Variants in SFI1 observed in about 807,000 individuals in gnomAD.
SFI1 encodes the protein SFI1 centrin binding protein, also known as protein SFI1 homolog.
A neutral mutation model predicts 207.5 loss-of-function variants in SFI1; 195 were observed. The observed-to-expected ratio is 0.94, with a 90% CI of 0.84 to 1.06. The LOEUF is 1.06. Ranked by LOEUF, SFI1 falls within the 50% of genes least tolerant of loss-of-function variation. SFI1 has a pLI of 0.00. For missense variants in SFI1, 1,634 were observed against 1,588.0 expected, an observed-to-expected ratio of 1.03 and a Z score of -0.49; for synonymous variants, 630 against 598.9, an observed-to-expected ratio of 1.05 and a Z score of -0.76.
chr22:31,550,876 A>G (rs1302928748), intron 6 of SFI1, among the ~76,000 whole-genome samples: 4 of 152,218 alleles, frequency 2.6e-5, no homozygotes, highest in African/African-American at 7.2e-5. Flanking sequence ...CTGCATTAGC[A>G]GCAGAATGTC....
intron 22 of SFI1, among the ~76,000 whole-genome samples, chr22:31,609,811 G>C (rs912925749): frequency 3.9e-5 from 6 of 152,236 alleles, no homozygotes; most frequent in Non-Finnish European, 8.8e-5. Context: ...TTGGGCTCTG[G>C]AGCTTCTGCA....
In SFI1 at chr22:31,613,133, T is replaced by C. The variant is rs1238260080; in HGVS notation, c.2491-9T>C. The C allele has an allele frequency of 6.2e-7, 1 of 1,612,820 alleles. No homozygotes were observed. Among genetic ancestry groups the C allele is most frequent in the Middle Eastern group, 1.7e-4 (1 of 6,060 alleles). On this transcript the variant is annotated splice_polypyrimidine_tract_variant and intron_variant, in intron 24 of 32. Coordinates refer to ENST00000400288, the MANE Select transcript of SFI1 (RefSeq NM_001007467.3). The stretch of plus-strand genomic sequence containing the variant: ...CTATAGGGAAATGATCTGGTCTTTC[T>C]GGCCCTAGCTGGCAGCCAGGAGGCA...
At chr22:31,602,349 TGCACTCACG>T in intron 16 of SFI1, 56 bp downstream of exon 16, 1 of 1,527,106 alleles carries the variant, frequency 6.5e-7, no homozygotes, top group South Asian at 1.1e-5. Context: ...TTCAAGCCAT[TGCACTCACG>T]GCCTCCCCTC....
intron 11 of SFI1, chr22:31,580,043 G>A: frequency 2.2e-6 from 1 of 459,096 alleles, no homozygotes; most frequent in Non-Finnish European, 3.9e-6. Flanking sequence ...TGGACAGCAG[G>A]GAGGGTTCAG....
chr22:31,541,357 C>A (rs1443475852), intron 4 of SFI1, among the ~76,000 whole-genome samples: 2 of 152,080 alleles, frequency 1.3e-5, no homozygotes, highest in African/African-American at 2.4e-5. Context: ...AGGCTTACAC[C>A]TTTTTGAATA....
At chr22:31,582,908 T>C (rs1048083767) in intron 12 of SFI1, among the ~76,000 whole-genome samples, 1 of 152,188 alleles carries the variant, frequency 6.6e-6, no homozygotes, top group African/African-American at 2.4e-5. Context: ...ATTTTGTTTA[T>C]ACAATTTATT....
intron 29 of SFI1, chr22:31,616,395 T>C (rs1431075119): frequency 4.4e-6 from 1 of 226,208 alleles, no homozygotes; most frequent in Non-Finnish European, 8.6e-6. Context: ...CACTTCTCAC[T>C]GATGTCAAAG....
chr22:31,608,939 G>A (rs187138839), intron 22 of SFI1, among the ~76,000 whole-genome samples: 223 of 152,152 alleles, frequency 1.5e-3, no homozygotes, highest in Middle Eastern at 0.01. Context: ...CCAAGAGCTG[G>A]AGGCTGCAAT....
intron 1 of SFI1, among the ~76,000 whole-genome samples, chr22:31,498,363 G>T (rs2053121558): frequency 6.6e-6 from 1 of 151,954 alleles, no homozygotes; most frequent in Non-Finnish European, 1.5e-5. Context: ...TGATGGATCT[G>T]GGCAAAGTAA....
chr22:31,601,128 CTTTTTTT>C (rs11354377), intron 15 of SFI1, among the ~76,000 whole-genome samples: 2 of 80,318 alleles, frequency 2.5e-5, no homozygotes, highest in Admixed American at 3.1e-4. Flanking sequence ...CTTTTCTTTA[CTTTTTTT>C]TTTTTTTTTT....
Position 31,615,173 on chromosome 22 carries a change from C to G in SFI1, c.3194C>G (p.Ser1065Ter). ...CACAGCCCCCTGCCTGGGGCCCTGT[C>G]AAGCGCCCCTGGCCCGAAGCAGCCC... is the stretch of plus-strand genomic sequence containing the variant. ...VPHSPLPGAL[S>*]SAPGPKQPPT... The change falls in exon 29 of 33, where the codon TCA (serine) becomes TGA (stop). Residue 1065 changes from serine (S) to a stop codon, truncating the protein, a stop_gained. Transcript: ENST00000400288. LOFTEE classifies it high-confidence loss of function. The G allele has an allele frequency of 6.2e-7, 1 of 1,604,318 alleles. No individual in the cohort carries two copies. The highest frequency in any genetic ancestry group is 1.1e-5 in the South Asian group (1 of 90,620).
At chr22:31,583,440 T>A (rs1238909635) in intron 12 of SFI1, among the ~76,000 whole-genome samples, 1 of 152,220 alleles carries the variant, frequency 6.6e-6, no homozygotes, top group Non-Finnish European at 1.5e-5. Context: ...TTGATTTATC[T>A]GATTGTTTCC....
chr22:31,547,170 C>G (rs2060167787), intron 5 of SFI1, among the ~76,000 whole-genome samples, 199 bp downstream of exon 5: 1 of 152,106 alleles, frequency 6.6e-6, no homozygotes, highest in Non-Finnish European at 1.5e-5. Context: ...CACACAGACA[C>G]ACACACACAC....
At chr22:31,611,040 C>G (rs1451437842) in intron 22 of SFI1, 103 bp from the exon 23 acceptor site, 3 of 1,489,130 alleles carry the variant, frequency 2.0e-6, no homozygotes, top group South Asian at 2.3e-5. Flanking sequence ...GACACCTGAA[C>G]TCTATCCCTG....
chr22:31,610,623 G>A (rs894162887), intron 22 of SFI1, among the ~76,000 whole-genome samples: 3 of 152,348 alleles, frequency 2.0e-5, no homozygotes, highest in Middle Eastern at 6.8e-3. Context: ...GCCCATTCCT[G>A]CAGAACCCAG....
chr22:31,608,108 CA>C, intron 22 of SFI1, 75 bp downstream of exon 22: 1 of 1,198,230 alleles, frequency 8.3e-7, no homozygotes, highest in East Asian at 2.4e-5. Flanking sequence ...CTGTGGCCCG[CA>C]TAAGTCTGTC....
At chr22:31,500,792 TG>T (rs2053617786) in intron 1 of SFI1, among the ~76,000 whole-genome samples, 1 of 44,584 alleles carries the variant, frequency 2.2e-5, no homozygotes, top group Admixed American at 2.0e-4. Context: ...GTGTTTGTTT[TG>T]TTTTTGTTTT....
chr22:31,551,720 T>A (rs150442083), intron 6 of SFI1, among the ~76,000 whole-genome samples: 5 of 152,218 alleles, frequency 3.3e-5, no homozygotes, highest in African/African-American at 1.2e-4. Context: ...TGTGAGCCAC[T>A]GTGCCTGGCC....
chr22:31,593,823 G>A (rs9609333), intron 15 of SFI1, among the ~76,000 whole-genome samples: 102,098 of 144,082 alleles, frequency 0.71, 36,649 homozygotes, highest in Non-Finnish European at 0.76. Context: ...GCGAAACCCC[G>A]TCTCCACCAA....
Sources: gnomAD v4.1 joint callset for allele counts (sites outside exome capture counted in the v4.1 genomes callset) on GRCh38, gnomAD v4.1.1 for gene constraint, MANE v1.5 for transcripts, NCBI Gene and HGNC (gene_info 2026-07-23, HGNC 2026-07-21) for gene names.